Variants in NALF1 observed in about 807,000 individuals in gnomAD.
The protein encoded by NALF1 is family with sequence similarity 155 member A.
A neutral mutation model predicts 48.4 loss-of-function variants in NALF1; 3 were observed. The ratio of observed to expected loss-of-function variants is 0.06; its 90% CI spans 0.03 to 0.16. The LOEUF is 0.16. NALF1 is among the 10% of genes least tolerant of loss of function. The pLI, the probability that NALF1 is intolerant of heterozygous loss-of-function variation, is 1.00. For synonymous variants in NALF1, 262 were observed against 245.7 expected (o/e 1.07, Z -0.62); for missense variants, 526 against 571.5 (o/e 0.92, Z 0.81).
At chr13:107,780,592 G>A (rs530198624) in intron 1 of NALF1, among the ~76,000 whole-genome samples, 3 of 151,532 alleles carry the variant, frequency 2.0e-5, no homozygotes, top group South Asian at 4.2e-4. Flanking sequence ...TCCTCCTCCC[G>A]GGTTCAAGCA....
At chr13:107,227,985 C>T (rs1346810072) in intron 1 of NALF1, among the ~76,000 whole-genome samples, 1 of 152,104 alleles carries the variant, frequency 6.6e-6, no homozygotes, top group East Asian at 1.9e-4. Context: ...AATGAAATCG[C>T]TATTTAATTA....
chr13:107,405,333 T>G (rs1883880240), intron 1 of NALF1, among the ~76,000 whole-genome samples: 1 of 151,698 alleles, frequency 6.6e-6, no homozygotes, highest in African/African-American at 2.4e-5. Context: ...ATGAAAAAGG[T>G]AAAAAAAAGA....
intron 1 of NALF1, among the ~76,000 whole-genome samples, chr13:107,831,742 C>T (rs75396264): frequency 2.0e-5 from 3 of 152,078 alleles, no homozygotes; most frequent in Non-Finnish European, 2.9e-5. Flanking sequence ...AAGATGTTTG[C>T]GCGTATTTGC....
chr13:107,220,343 A>G (rs1054530799), intron 1 of NALF1, among the ~76,000 whole-genome samples: 4 of 152,236 alleles, frequency 2.6e-5, no homozygotes, highest in African/African-American at 9.6e-5. Context: ...GGAATGGAGT[A>G]GAATTGTGTC....
At chr13:107,193,498 T>C (rs1221973918) in intron 2 of NALF1, among the ~76,000 whole-genome samples, 1 of 152,146 alleles carries the variant, frequency 6.6e-6, no homozygotes, top group Non-Finnish European at 1.5e-5. Context: ...TGGCAACACA[T>C]GTAGGGTAGT....
chr13:107,429,743 G>C (rs982967052), intron 1 of NALF1, among the ~76,000 whole-genome samples: 2 of 143,074 alleles, frequency 1.4e-5, no homozygotes, highest in African/African-American at 5.0e-5. Context: ...ATCAAATGTG[G>C]AAGAAACATA....
intron 1 of NALF1, among the ~76,000 whole-genome samples, chr13:107,248,217 C>A (rs1433335761): frequency 6.8e-6 from 1 of 148,064 alleles, no homozygotes; most frequent in Non-Finnish European, 1.5e-5. Flanking sequence ...AGGAGATCGT[C>A]ATAGGGCAAA....
chr13:107,223,222 A>G (rs1206153185), intron 1 of NALF1, among the ~76,000 whole-genome samples: 1 of 152,200 alleles, frequency 6.6e-6, no homozygotes, highest in African/African-American at 2.4e-5. Context: ...GCATCTTGTG[A>G]AAGTGTTGTT....
intron 1 of NALF1, among the ~76,000 whole-genome samples, chr13:107,457,977 A>G (rs1214470051): frequency 6.6e-6 from 1 of 152,082 alleles, no homozygotes; most frequent in African/African-American, 2.4e-5. Flanking sequence ...ATTAACTGAC[A>G]AACACTCCAC....
At chr13:107,826,101 A>T (rs1879508443) in intron 1 of NALF1, among the ~76,000 whole-genome samples, 1 of 151,752 alleles carries the variant, frequency 6.6e-6, no homozygotes, top group Non-Finnish European at 1.5e-5. Context: ...CTATTTCTTA[A>T]AGAGTAAAAC....
chr13:107,606,280 A>ATATG (rs1555312000), intron 1 of NALF1, among the ~76,000 whole-genome samples: 6,874 of 151,102 alleles, frequency 0.045, 258 homozygotes, highest in African/African-American at 0.11. Flanking sequence ...ATATATATAT[A>ATATG]TGTGTGTGTT....
chr13:107,446,435 A>ACAC (rs66778475), intron 1 of NALF1, among the ~76,000 whole-genome samples: 2,506 of 151,588 alleles, frequency 0.017, 81 homozygotes, highest in African/African-American at 0.057. Context: ...ACACACACAC[A>ACAC]TATTTTTACT....
chr13:107,441,908 C>T, intron 1 of NALF1, among the ~76,000 whole-genome samples: 1 of 152,142 alleles, frequency 6.6e-6, no homozygotes, highest in African/African-American at 2.4e-5. Flanking sequence ...CTGAATAAAA[C>T]CACATGAGGA....
At chr13:107,792,384 G>C (rs1878276224) in intron 1 of NALF1, among the ~76,000 whole-genome samples, 3 of 152,110 alleles carry the variant, frequency 2.0e-5, no homozygotes, top group Admixed American at 6.5e-5. Context: ...ATGTGAAAGT[G>C]TCGCGGTGTC....
chr13:107,276,367 C>T (rs1008827569), intron 1 of NALF1, among the ~76,000 whole-genome samples: 2 of 152,142 alleles, frequency 1.3e-5, no homozygotes, highest in Non-Finnish European at 2.9e-5. Flanking sequence ...AAACACATAA[C>T]CTCATCTCTT....
intron 1 of NALF1, among the ~76,000 whole-genome samples, chr13:107,862,859 G>T (rs923721621): frequency 6.6e-6 from 1 of 151,438 alleles, no homozygotes; most frequent in Admixed American, 6.6e-5. Flanking sequence ...ATATGTAACC[G>T]GAAAGTAATA....
chr13:107,711,193 G>A (rs9559142), intron 1 of NALF1, among the ~76,000 whole-genome samples: 110,227 of 152,026 alleles, frequency 0.73, 41,841 homozygotes, highest in Middle Eastern at 0.85. Flanking sequence ...AGGGAAGAGC[G>A]TGCATCTTTC....
intron 1 of NALF1, among the ~76,000 whole-genome samples, chr13:107,336,553 GAAC>G (rs1882560726): frequency 6.6e-6 from 1 of 152,016 alleles, no homozygotes; most frequent in African/African-American, 2.4e-5. Context: ...ACAGAGGAGA[GAAC>G]AATCTTTGTG....
chr13:107,685,883 G>C (rs533279493), intron 1 of NALF1, among the ~76,000 whole-genome samples: 2 of 152,200 alleles, frequency 1.3e-5, no homozygotes, highest in African/African-American at 4.8e-5. Context: ...CTGAGTCCTC[G>C]GTGTTCCGTG....
Sources: allele counts gnomAD v4.1 joint callset (sites outside exome capture counted in the v4.1 genomes callset), GRCh38; gene constraint gnomAD v4.1.1; transcripts MANE v1.5; gene names NCBI Gene and HGNC (gene_info 2026-07-23, HGNC 2026-07-21).